The following PTAR1 variants were observed in gnomAD, a reference collection of about 807,000 sequenced individuals.
PTAR1 encodes protein prenyltransferase alpha subunit repeat-containing protein 1.
Under a neutral mutation model 45.5 loss-of-function variants are expected in PTAR1, and 17 were observed. The ratio of observed to expected loss-of-function variants is 0.37; its 90% confidence interval spans 0.26 to 0.56. PTAR1 has a LOEUF of 0.56. Among genes scored for constraint, PTAR1 ranks in the 20% least tolerant of loss-of-function variants. The pLI is 0.77. For missense variants in PTAR1, 391 were observed against 476.3 expected (o/e 0.82, Z 1.67); for synonymous variants, 169 against 171.3 (o/e 0.99, Z 0.11).
chr9:69,719,133 G>A (rs903868513), intron 6 of PTAR1, among the ~76,000 whole-genome samples: 1 of 152,120 alleles, frequency 6.6e-6, no homozygotes, highest in Non-Finnish European at 1.5e-5. Flanking sequence ...TTAATCTGTG[G>A]CCTCTATCAA....
Position 69,710,986 on chromosome 9 carries a change from C to T in PTAR1, c.*7356G>A, listed in dbSNP as rs542920968. 1.3e-5 allele frequency: 2 copies of T among 152,080 alleles called. No homozygotes were observed. Among genetic ancestry groups the T allele is most frequent in the Admixed American group, 6.5e-5 (1 of 15,272 alleles). The allele number at this position is 152,080 out of a possible 1,614,324, so 9.4% of individuals were successfully genotyped here. Reference sequence around the variant, plus strand: ...AACTTCTTTTAAATGAAAGCTCCTCCATGTTAAATTATGCAATTGACTAGT... The same window carrying T: ...AACTTCTTTTAAATGAAAGCTCCTCTATGTTAAATTATGCAATTGACTAGT... On this transcript the variant is annotated 3_prime_UTR_variant, in exon 8 of 8. Transcript: ENST00000340434.
At chr9:69,745,309 A>G (rs571796042) in intron 2 of PTAR1, among the ~76,000 whole-genome samples, 94 of 152,350 alleles carry the variant, frequency 6.2e-4, no homozygotes, top group African/African-American at 2.1e-3. Context: ...ATGATGGGAA[A>G]GCCTCTGGAA....
intron 3 of PTAR1, chr9:69,741,575 A>C: frequency 1.8e-6 from 1 of 541,786 alleles, no homozygotes; most frequent in Non-Finnish European, 3.3e-6. Context: ...CTGTAACTCA[A>C]CATGACAATT....
rs970671510 is a variant in PTAR1 at position 69,712,089 on chromosome 9, A to G, written c.*6253T>C. 3.3e-5 allele frequency: 5 copies of G among 152,152 alleles called. No individual in the cohort carries two copies. Among genetic ancestry groups the G allele is most frequent in the African/African-American group, 1.2e-4 (5 of 41,456 alleles). 9.4% of individuals were successfully genotyped at this position (152,152 alleles called of 1,614,324 possible). ...AATGCTCCTTGAATCAATATCTGCC[A>G]TATGAAATTATATGACAAGTAAACC... On this transcript the variant is annotated 3_prime_UTR_variant, in exon 8 of 8. Coordinates refer to ENST00000340434, the MANE Select transcript of PTAR1 (RefSeq NM_001099666.2).
At chr9:69,720,939 T>C (rs143961665) in intron 6 of PTAR1, among the ~76,000 whole-genome samples, 2 of 152,274 alleles carry the variant, frequency 1.3e-5, no homozygotes, top group African/African-American at 2.4e-5. Flanking sequence ...AGAGCTCTGA[T>C]TGAGATGTAC....
chr9:69,738,672 C>G (rs1006922991), intron 3 of PTAR1, among the ~76,000 whole-genome samples: 49 of 152,116 alleles, frequency 3.2e-4, no homozygotes, highest in Admixed American at 6.5e-5. Context: ...GCTCCAAGCT[C>G]ATCTTGTATA....
rs2134069082 is a variant in PTAR1, at chr9:69,717,979, T to TA, written c.*362dup. ...TCCTCCTGCCTAGGCCTTAAATTTT[T>TA]AATTTTTAAAAGAATTTGCCTATGC... is the stretch of plus-strand genomic sequence containing the variant. On this transcript the variant is annotated 3_prime_UTR_variant, in exon 8 of 8. Coordinates refer to ENST00000340434, the MANE Select transcript of PTAR1 (RefSeq NM_001099666.2). The TA allele has an allele frequency of 6.0e-6, 1 of 167,128 alleles. No homozygotes were observed. Among genetic ancestry groups the TA allele is most frequent in the Admixed American group, 6.1e-5 (1 of 16,264 alleles). 10.4% of individuals were successfully genotyped at this position (167,128 alleles called of 1,614,324 possible). A position where few individuals can be genotyped will look rare whatever the true frequency, so the allele number is the denominator to read the frequency against.
At chr9:69,745,678 C>CA (rs543323072) in intron 2 of PTAR1, among the ~76,000 whole-genome samples, 2 of 152,234 alleles carry the variant, frequency 1.3e-5, no homozygotes, top group Non-Finnish European at 2.9e-5. Context: ...TGGGTTCAGA[C>CA]AGAGCCCAGC....
rs756510852 is a variant in PTAR1, at chr9:69,732,247, T to C, written c.534A>G (p.Gln178=). The change falls in exon 5 of 8, where the codon CAA becomes CAG. Residue 178 remains glutamine, a synonymous_variant. Transcript: ENST00000340434. The part of the protein sequence containing the change: ...IPTERAQRLI[Q]EEMEVCGEAA... ...CTTCACCACAGACCTCCATCTCTTC[T>C]TGTATGAGTCGCTGTGCCCTTTCTG... The C allele has an allele frequency of 6.1e-5, 99 of 1,613,816 alleles. 2 individuals carry two copies. In the South Asian group the frequency reaches 1.1e-3, roughly 17 times the overall value.
chr9:69,735,501 G>C (rs1274262760), intron 3 of PTAR1, among the ~76,000 whole-genome samples: 3 of 152,152 alleles, frequency 2.0e-5, no homozygotes, highest in Non-Finnish European at 4.4e-5. Context: ...ATCTGCGGTT[G>C]GTTGAATCCA....
intron 3 of PTAR1, among the ~76,000 whole-genome samples, chr9:69,738,832 G>A (rs1377257810): frequency 6.4e-5 from 9 of 141,126 alleles, no homozygotes; most frequent in Admixed American, 2.2e-4. Flanking sequence ...TTTTTGAGAC[G>A]GAGTCTTGCT....
chr9:69,711,613 A>G lies in PTAR1; in HGVS notation c.*6729T>C, dbSNP rs1003657395. 2 of 152,192 alleles carry G rather than the reference A, an allele frequency of 1.3e-5. No homozygotes were observed. Among genetic ancestry groups the G allele is most frequent in the Admixed American group, 6.6e-5 (1 of 15,262 alleles). The allele number at this position is 152,192 out of a possible 1,614,324, so 9.4% of individuals were successfully genotyped here. The stretch of plus-strand genomic sequence containing the variant: ...AAACCCGATAGTACTGGATATACCA[A>G]TACAGAGACTGATTGCAGAAGACTA... On this transcript the variant is annotated 3_prime_UTR_variant, in exon 8 of 8. Transcript: ENST00000340434.
In PTAR1 at chr9:69,713,109, A is replaced by G. The variant is rs1448569267; in HGVS notation, c.*5233T>C. 1 of 152,304 alleles carries G rather than the reference A, an allele frequency of 6.6e-6. No homozygotes were observed. The highest frequency in any genetic ancestry group is 1.9e-4 in the East Asian group (1 of 5,190). The allele number at this position is 152,304 out of a possible 1,614,324, so 9.4% of individuals were successfully genotyped here. The stretch of plus-strand genomic sequence containing the variant: ...AACGTCAGGGTTAGCTTTCTGGACA[A>G]TAGAATCATCCAGAAAGCACAAATT... On this transcript the variant is annotated 3_prime_UTR_variant, in exon 8 of 8. Transcript: ENST00000340434.
intron 2 of PTAR1, among the ~76,000 whole-genome samples, chr9:69,748,777 T>C (rs1020371890): frequency 4.6e-5 from 7 of 152,168 alleles, no homozygotes; most frequent in Non-Finnish European, 8.8e-5. Context: ...TGTGCTCTAA[T>C]TGCTTCAGTT....
At chr9:69,757,209 G>C (rs1353532185) in intron 1 of PTAR1, 1 of 152,174 alleles carries the variant, frequency 6.6e-6, no homozygotes, top group East Asian at 1.9e-4. Flanking sequence ...ATAAACTGTT[G>C]TCTTCTACAT....
At position 69,715,199 on chromosome 9, in the gene PTAR1, A is replaced by G. The variant is rs1824680057; in HGVS notation, c.*3143T>C. ...TAACAAGTTTAAACAAGGTAATGAA[A>G]TGAAGAAAAAAAAAGTCTAAATCAA... On this transcript the variant is annotated 3_prime_UTR_variant, in exon 8 of 8. Coordinates refer to ENST00000340434, the MANE Select transcript of PTAR1 (RefSeq NM_001099666.2). 1 of 152,088 alleles carries G rather than the reference A, an allele frequency of 6.6e-6. No individual in the cohort carries two copies. The highest frequency in any genetic ancestry group is 6.6e-5 in the Admixed American group (1 of 15,240). The allele number at this position is 152,088 out of a possible 1,614,324, so 9.4% of individuals were successfully genotyped here. A position where few individuals can be genotyped will look rare whatever the true frequency, so the allele number is the denominator to read the frequency against.
chr9:69,737,979 A>G (rs1825868792), intron 3 of PTAR1, among the ~76,000 whole-genome samples: 1 of 152,112 alleles, frequency 6.6e-6, no homozygotes, highest in African/African-American at 2.4e-5. Flanking sequence ...ATTGATATTG[A>G]TATATTTTTA....
intron 2 of PTAR1, among the ~76,000 whole-genome samples, chr9:69,743,277 A>C (rs1187935219): frequency 6.6e-6 from 1 of 152,212 alleles, no homozygotes; most frequent in African/African-American, 2.4e-5. Context: ...GTCAACATCA[A>C]AATTGTTTCC....
intron 2 of PTAR1, among the ~76,000 whole-genome samples, chr9:69,744,902 A>G (rs1331766939): frequency 6.6e-6 from 1 of 152,184 alleles, no homozygotes; most frequent in Non-Finnish European, 1.5e-5. Flanking sequence ...GTCTGACCAC[A>G]GCACAGAGGA....
Sources: gnomAD v4.1 joint callset for allele counts (sites outside exome capture counted in the v4.1 genomes callset) on GRCh38, gnomAD v4.1.1 for gene constraint, MANE v1.5 for transcripts, NCBI Gene and HGNC (gene_info 2026-07-23, HGNC 2026-07-21) for gene names.